The following KAZN variants were observed in gnomAD, a reference collection of about 807,000 sequenced individuals.
KAZN encodes the protein kazrin.
KAZN carries 40 observed loss-of-function variants against 87.4 expected under a neutral mutation model. That is an observed-to-expected ratio of 0.46 (90% CI 0.36 to 0.60). The LOEUF is 0.60. Ranked by LOEUF, KAZN falls within the 20% of genes least tolerant of loss-of-function variation. The pLI is 0.00. For synonymous variants in KAZN, 466 were observed against 458.3 expected (o/e 1.02, Z -0.22); for missense variants, 898 against 1,073.9 (o/e 0.84, Z 2.29).
chr1:14,297,398 C>T (rs1355129754), intron 2 of KAZN, among the ~76,000 whole-genome samples: 2 of 152,212 alleles, frequency 1.3e-5, no homozygotes, highest in African/African-American at 4.8e-5. Flanking sequence ...AACTGTATCA[C>T]TTGGTCACTC....
chr1:14,898,474 A>G (rs1289467075), intron 1 of KAZN, among the ~76,000 whole-genome samples: 1 of 152,142 alleles, frequency 6.6e-6, no homozygotes, highest in East Asian at 1.9e-4. Flanking sequence ...TGGTCAGCAG[A>G]TAGGGGTTGG....
intron 2 of KAZN, among the ~76,000 whole-genome samples, chr1:14,441,056 C>T (rs1666670488): frequency 6.6e-6 from 1 of 152,120 alleles, no homozygotes; most frequent in East Asian, 1.9e-4. Context: ...CTCTGAGCAC[C>T]TGATGGACTG....
chr1:14,353,062 T>C lies in KAZN; in HGVS notation c.249+172470T>C, dbSNP rs1468008078. Among the ~76,000 whole-genome samples the C allele has an allele frequency of 2.0e-5, 3 of 152,284 alleles. No individual in the cohort carries two copies. In the East Asian group the frequency reaches 5.8e-4, roughly 29 times the overall value. On this transcript the variant is annotated intron_variant, in intron 2 of 16. Coordinates refer to the KAZN transcript ENST00000636203. ...CATCTACAGTAATCGTGACTCCTTA[T>C]GTTGAAATATTGAGCACTCCTCTTC...
At chr1:14,437,712 G>A (rs904672766) in intron 2 of KAZN, among the ~76,000 whole-genome samples, 6 of 152,256 alleles carry the variant, frequency 3.9e-5, no homozygotes, top group African/African-American at 9.6e-5. Flanking sequence ...ATGAGAAGCC[G>A]GGAGGCTCTG....
intron 2 of KAZN, among the ~76,000 whole-genome samples, chr1:14,361,511 G>C (rs1368183333): frequency 1.3e-5 from 2 of 152,234 alleles, no homozygotes; most frequent in African/African-American, 4.8e-5. Context: ...AAAAACTGCA[G>C]CTAGCTCAGT....
intron 7 of KAZN, among the ~76,000 whole-genome samples, chr1:15,064,472 T>C (rs1483609026): frequency 6.6e-6 from 1 of 152,238 alleles, no homozygotes; most frequent in African/African-American, 2.4e-5. Flanking sequence ...ATGAAGCACT[T>C]GGCAGTTTGC....
At chr1:14,211,273 T>G (rs994066418) in intron 2 of KAZN, among the ~76,000 whole-genome samples, 1 of 152,194 alleles carries the variant, frequency 6.6e-6, no homozygotes, top group Admixed American at 6.5e-5. Flanking sequence ...CAGGCTGGAG[T>G]GCAGTGGCAC....
chr1:14,452,232 G>A (rs1667317072), intron 2 of KAZN, among the ~76,000 whole-genome samples: 1 of 152,128 alleles, frequency 6.6e-6, no homozygotes, highest in Admixed American at 6.5e-5. Context: ...GAGCTACCAT[G>A]CCTGGCCAAC....
intron 1 of KAZN, among the ~76,000 whole-genome samples, chr1:14,110,322 A>T (rs1029398141): frequency 6.6e-6 from 1 of 152,214 alleles, no homozygotes; most frequent in Non-Finnish European, 1.5e-5. Context: ...CAAATCCCTC[A>T]TTACATAAGA....
At chr1:14,702,327 T>TGTGTGTGTGTGG (rs1641969139) in intron 1 of KAZN, among the ~76,000 whole-genome samples, 1 of 5,466 alleles carries the variant, frequency 1.8e-4, no homozygotes, top group African/African-American at 7.8e-4. Context: ...TTTGCAAAAC[T>TGTGTGTGTGTGG]GTGTGTGTGT....
At chr1:13,916,115 A>G (rs1455276426) in intron 1 of KAZN, among the ~76,000 whole-genome samples, 1 of 152,164 alleles carries the variant, frequency 6.6e-6, no homozygotes, top group East Asian at 1.9e-4. Context: ...TGCATCCTGC[A>G]GGCCAGATGT....
chr1:14,602,942 G>A (rs1176067846), intron 1 of KAZN, among the ~76,000 whole-genome samples: 1 of 152,176 alleles, frequency 6.6e-6, no homozygotes, highest in African/African-American at 2.4e-5. Flanking sequence ...TGGAGGCAAG[G>A]GTCGGTTTCC....
At position 14,425,150 on chromosome 1, in the gene KAZN, C is replaced by A. The variant is rs189514696; in HGVS notation, c.250-173833C>A. ...CCTCAGTGTCTTCATCAGAGGCCAA[C>A]CTGAACCCAGCTGGGCAGGGGCTGG... On this transcript the variant is annotated intron_variant, in intron 2 of 16. Coordinates refer to the KAZN transcript ENST00000636203. Among the ~76,000 whole-genome samples, 75 of 152,274 alleles carry A rather than the reference C, an allele frequency of 4.9e-4. 1 individual carries two copies. The highest frequency in any genetic ancestry group is 3.1e-3 in the Admixed American group (48 of 15,300).
chr1:14,292,150 G>A (rs555166427), intron 2 of KAZN, among the ~76,000 whole-genome samples: 8 of 152,268 alleles, frequency 5.3e-5, no homozygotes, highest in African/African-American at 1.7e-4. Context: ...CTGTGTATGT[G>A]TGTATGTCAT....
chr1:14,333,964 T>C (rs1657036706), intron 2 of KAZN, among the ~76,000 whole-genome samples: 1 of 152,042 alleles, frequency 6.6e-6, no homozygotes, highest in Non-Finnish European at 1.5e-5. Context: ...GGAGGCGTGG[T>C]CATCATAAGG....
intron 2 of KAZN, among the ~76,000 whole-genome samples, chr1:14,423,614 C>G (rs973077335): frequency 3.9e-5 from 6 of 152,158 alleles, no homozygotes; most frequent in Admixed American, 1.3e-4. Flanking sequence ...ATGGATCAAG[C>G]ACTACTGGAT....
intron 2 of KAZN, among the ~76,000 whole-genome samples, chr1:14,251,643 C>CTTTTTT (rs549092023): frequency 0.054 from 4,901 of 90,120 alleles, 702 homozygotes; most frequent in East Asian, 0.22. Flanking sequence ...TTCTCCCGGA[C>CTTTTTT]TTTTTTTTTT....
At chr1:14,696,132 C>T (rs1345074682) in intron 1 of KAZN, among the ~76,000 whole-genome samples, 1 of 152,162 alleles carries the variant, frequency 6.6e-6, no homozygotes. Context: ...TCATCTCCTT[C>T]CCCCTAGTGT....
intron 1 of KAZN, among the ~76,000 whole-genome samples, chr1:14,088,231 T>G (rs1643897674): frequency 6.6e-6 from 1 of 151,804 alleles, no homozygotes; most frequent in South Asian, 2.1e-4. Context: ...AGCTAAGATC[T>G]TTGATCTTAG....
Sources: gnomAD v4.1 joint callset for allele counts (sites outside exome capture counted in the v4.1 genomes callset) on GRCh38, gnomAD v4.1.1 for gene constraint, MANE v1.5 for transcripts, NCBI Gene and HGNC (gene_info 2026-07-23, HGNC 2026-07-21) for gene names.